TIAM1: variants seen among roughly 807,000 people sequenced by gnomAD.
TIAM1 encodes the protein TIAM Rac1 associated GEF 1.
A neutral mutation model predicts 163.5 loss-of-function variants in TIAM1; 65 were observed. The observed-to-expected ratio is 0.40, with a 90% confidence interval of 0.33 to 0.49. The LOEUF is 0.49. Ranked by LOEUF, TIAM1 falls within the 20% of genes least tolerant of loss-of-function variation. The probability of loss-of-function intolerance (pLI) is 0.77; values close to 1 mark genes in which losing one functional copy is unlikely to be tolerated. For missense variants in TIAM1, 1,789 were observed against 2,044.7 expected (o/e 0.87, Z 2.41); for synonymous variants, 833 against 810.1 (o/e 1.03, Z -0.48).
chr21:31,243,206 A>AT (rs1443623982), intron 6 of TIAM1, among the ~76,000 whole-genome samples: 4,294 of 131,434 alleles, frequency 0.033, 78 homozygotes, highest in East Asian at 0.15. Flanking sequence ...AAAAAAAAAA[A>AT]AAAATATATA....
At position 31,269,795 on chromosome 21, in the gene TIAM1, C is replaced by T. The variant is rs373029878; in HGVS notation, c.-11-2812G>A. Among the ~76,000 whole-genome samples the T allele has an allele frequency of 2.4e-4, 36 of 152,082 alleles. No homozygotes were observed. In the East Asian group the frequency reaches 4.3e-3, roughly 18 times the overall value. ...CACGCCATTCTCCTGCCTCAGCCTC[C>T]CGAGTAGCTGGGACTACAGGCGCCC... is the stretch of plus-strand genomic sequence containing the variant. On this transcript the variant is annotated intron_variant, in intron 3 of 27. Coordinates refer to ENST00000541036, the MANE Select transcript of TIAM1 (RefSeq NM_001353694.2).
At chr21:31,464,263 C>T (rs1289457785) in intron 1 of TIAM1, among the ~76,000 whole-genome samples, 3 of 152,196 alleles carry the variant, frequency 2.0e-5, no homozygotes, top group Non-Finnish European at 4.4e-5. Flanking sequence ...GGAGTCCACA[C>T]AGAGTCAACC....
chr21:31,214,619 T>TA (rs2087078232), intron 9 of TIAM1, among the ~76,000 whole-genome samples: 1 of 152,092 alleles, frequency 6.6e-6, no homozygotes, highest in African/African-American at 2.4e-5. Flanking sequence ...CCTGCTAACT[T>TA]AAAGATGCCA....
rs35640976 is a variant in TIAM1, at chr21:31,528,828, TAAA to T, written c.-422+30096_-422+30098del. ...TAAATAAATAAATAAACAAACAAAT[TAAA>T]AAAAAAAAACTCTCAAGATTAAAAT... On this transcript the variant is annotated intron_variant, in intron 1 of 28. Coordinates refer to the TIAM1 transcript ENST00000286827. 4.1e-3 allele frequency among the ~76,000 whole-genome samples: 605 copies of T among 148,292 alleles called. 3 individuals carry two copies. Among genetic ancestry groups the T allele is most frequent in the African/African-American group, 0.014 (580 of 40,418 alleles).
chr21:31,251,032 A>G (rs1406731340), intron 5 of TIAM1, among the ~76,000 whole-genome samples: 2 of 152,368 alleles, frequency 1.3e-5, no homozygotes, highest in East Asian at 3.9e-4. Context: ...GTTGAATCCT[A>G]TGAAATTAAC....
intron 1 of TIAM1, among the ~76,000 whole-genome samples, chr21:31,528,325 A>G (rs902585905): frequency 6.6e-5 from 10 of 151,354 alleles, no homozygotes; most frequent in Non-Finnish European, 1.5e-4. Context: ...GACCAGCCTG[A>G]GCAACATACC....
chr21:31,250,151 G>GAAAAAA (rs755928120), intron 5 of TIAM1, among the ~76,000 whole-genome samples: 1,116 of 52,872 alleles, frequency 0.021, 1 homozygote, highest in Non-Finnish European at 0.03. Context: ...GTCTCAAACA[G>GAAAAAA]AAAAAAAAAA....
At chr21:31,501,315 G>A (rs2046841017) in intron 1 of TIAM1, among the ~76,000 whole-genome samples, 1 of 152,176 alleles carries the variant, frequency 6.6e-6, no homozygotes, top group East Asian at 1.9e-4. Context: ...CGGGGTGCTG[G>A]ATTTTTTTTG....
rs144018522 is a variant in TIAM1, at chr21:31,280,355, G to A, written c.-188-3447C>T. Among the ~76,000 whole-genome samples, 869 of 152,260 alleles carry A rather than the reference G, an allele frequency of 5.7e-3. 11 individuals are homozygous for A. The highest frequency in any genetic ancestry group is 0.02 in the African/African-American group (839 of 41,540). ...TTTAAAAAGAGGAGTTTCCCTGCAC[G>A]AGCTCTCTCTTTGCCTACGGCCATC... is the stretch of plus-strand genomic sequence containing the variant. On this transcript the variant is annotated intron_variant, in intron 2 of 27. Coordinates refer to ENST00000541036, the MANE Select transcript of TIAM1 (RefSeq NM_001353694.2).
intron 2 of TIAM1, among the ~76,000 whole-genome samples, chr21:31,359,077 T>C (rs1013551019): frequency 1.3e-5 from 2 of 152,138 alleles, no homozygotes; most frequent in Non-Finnish European, 2.9e-5. Context: ...CTTTTAGTCT[T>C]CATTCAAATG....
rs1462610021 is a variant in TIAM1 at position 31,223,428 on chromosome 21, G to A, written c.1973C>T (p.Ser658Leu). The A allele has an allele frequency of 1.9e-6, 3 of 1,612,936 alleles. No homozygotes were observed. Among genetic ancestry groups the A allele is most frequent in the Non-Finnish European group, 1.7e-6 (2 of 1,179,408 alleles). The change falls in exon 8 of 28, where the codon TCG becomes TTG. Residue 658 changes from serine (S) to leucine (L), a missense_variant. Physicochemically the swap from Ser to Leu is moderately radical, Grantham distance 145. Around this residue, in one of 5 missense-constraint regions of TIAM1, gnomAD observed 456 missense variants for 586.6 expected, o/e 0.78. Transcript: ENST00000541036. ...KVAMGRLGIF[S>L]VSSFHALVAA... The stretch of plus-strand genomic sequence containing the variant: ...CACCAGGGCATGAAACGATGATACC[G>A]AAAAGATTCCAAGGCGGCCCATGGC...
rs568113130 is a variant in TIAM1 at position 31,262,330 on chromosome 21, C to A, written c.963+3680G>T. On this transcript the variant is annotated intron_variant, in intron 4 of 27. Coordinates refer to ENST00000541036, the MANE Select transcript of TIAM1 (RefSeq NM_001353694.2). Reference sequence around the variant, plus strand: ...TTCCTTGTCTGACACTAGGCAGCCCCCTCCTCTGTCTGTAACCAAAGAAAT... The same window carrying A: ...TTCCTTGTCTGACACTAGGCAGCCCACTCCTCTGTCTGTAACCAAAGAAAT... Among the ~76,000 whole-genome samples, 52 of 152,318 alleles carry A rather than the reference C, an allele frequency of 3.4e-4. 2 individuals are homozygous for A. Among genetic ancestry groups the A allele is most frequent in the Admixed American group, 3.1e-3 (47 of 15,310 alleles).
chr21:31,415,912 C>A (rs1262508755), intron 2 of TIAM1, among the ~76,000 whole-genome samples: 2 of 152,168 alleles, frequency 1.3e-5, no homozygotes, highest in Non-Finnish European at 2.9e-5. Flanking sequence ...TAGTTTATGA[C>A]CACAGGCTCC....
chr21:31,535,380 CAAAAAAAAAAAAAAAAA>C (rs59742048), intron 1 of TIAM1, among the ~76,000 whole-genome samples: 5 of 54,280 alleles, frequency 9.2e-5, no homozygotes, highest in African/African-American at 2.2e-4. Flanking sequence ...GGCTCCATCT[CAAAAAAAAAAAAAAAAA>C]AAAAAAAAAA....
At chr21:31,364,968 G>A (rs1452991321) in intron 2 of TIAM1, among the ~76,000 whole-genome samples, 1 of 152,204 alleles carries the variant, frequency 6.6e-6, no homozygotes, top group Non-Finnish European at 1.5e-5. Flanking sequence ...GTAAGTAAAT[G>A]AAAATGACTT....
chr21:31,273,591 C>G (rs748844592), intron 3 of TIAM1, among the ~76,000 whole-genome samples: 2 of 152,222 alleles, frequency 1.3e-5, no homozygotes, highest in Non-Finnish European at 2.9e-5. Flanking sequence ...CAATCTGAAC[C>G]AAGTCAGGTT....
chr21:31,498,105 T>A (rs2046725926), intron 1 of TIAM1, among the ~76,000 whole-genome samples: 1 of 152,180 alleles, frequency 6.6e-6, no homozygotes, highest in Admixed American at 6.5e-5. Flanking sequence ...AACCCGAATG[T>A]AAACAGCATC....
At position 31,271,628 on chromosome 21, in the gene TIAM1, T is replaced by C. The variant is rs77422152; in HGVS notation, c.-11-4645A>G. ...TGTCTAATTCCACTGAATTCTTGCC[T>C]CCAGTTCCTATCTTCCTCTTCCTTT... is the stretch of plus-strand genomic sequence containing the variant. On this transcript the variant is annotated intron_variant, in intron 3 of 27. Transcript: ENST00000541036. 1.3e-3 allele frequency among the ~76,000 whole-genome samples: 197 copies of C among 152,328 alleles called. 2 individuals carry two copies. The highest frequency in any genetic ancestry group is 4.7e-3 in the African/African-American group (194 of 41,568).
rs1459345068 is a variant in TIAM1 at position 31,120,852 on chromosome 21, A to T, written c.4307-15T>A. 1 of 1,566,910 alleles carries T rather than the reference A, an allele frequency of 6.4e-7. No homozygotes were observed. The highest frequency in any genetic ancestry group is 1.4e-5 in the African/African-American group (1 of 73,008). Reference sequence around the variant, plus strand: ...TGGGGCAGACACTGCACACACACACAAAAATATAAAAATAAAACCCCCACA... The same window carrying T: ...TGGGGCAGACACTGCACACACACACTAAAATATAAAAATAAAACCCCCACA... On this transcript the variant is annotated splice_polypyrimidine_tract_variant and intron_variant, in intron 27 of 27. Coordinates refer to ENST00000541036, the MANE Select transcript of TIAM1 (RefSeq NM_001353694.2). This position sits in a 1 kb window ranked among gnomAD's most constrained non-coding sequence, Gnocchi z 4.2.
Sources: allele counts gnomAD v4.1 joint callset (sites outside exome capture counted in the v4.1 genomes callset), GRCh38; gene constraint gnomAD v4.1.1; regional missense constraint gnomAD v4.1.1; non-coding constraint Gnocchi (gnomAD v3.1); transcripts MANE v1.5; gene names NCBI Gene and HGNC (gene_info 2026-07-23, HGNC 2026-07-21).